The following IL17RD variants were observed in gnomAD, a reference collection of about 807,000 sequenced individuals.
IL17RD encodes the protein interleukin 17 receptor D.
A neutral mutation model predicts 80.5 loss-of-function variants in IL17RD; 52 were observed. That is an observed-to-expected ratio of 0.65 (90% CI 0.52 to 0.81). IL17RD has a LOEUF of 0.81. Among genes scored for constraint, IL17RD ranks in the 40% least tolerant of loss-of-function variants. IL17RD has a pLI of 0.00. For missense variants in IL17RD, 1,024 were observed against 955.1 expected, an observed-to-expected ratio of 1.07 and a Z score of -0.95; for synonymous variants, 416 against 391.8, an observed-to-expected ratio of 1.06 and a Z score of -0.73.
At chr3:57,102,339 T>A in intron 10 of IL17RD, 140 bp downstream of exon 10, 1 of 426,224 alleles carries the variant, frequency 2.3e-6, no homozygotes, top group Non-Finnish European at 4.2e-6. Context: ...ATATTTTAAT[T>A]CTGGGAACTG....
intron 11 of IL17RD, among the ~76,000 whole-genome samples, chr3:57,098,883 G>A (rs1418736414): frequency 1.3e-5 from 2 of 152,226 alleles, no homozygotes; most frequent in African/African-American, 2.4e-5. Context: ...GGAAGCAACA[G>A]GTGGTAGAGA....
chr3:57,148,810 T>G (rs1579313929), intron 1 of IL17RD, among the ~76,000 whole-genome samples: 1 of 152,192 alleles, frequency 6.6e-6, no homozygotes, highest in African/African-American at 2.4e-5. Flanking sequence ...GGGAGGCAGG[T>G]GGGCCCAGTG....
chr3:57,148,818 G>A (rs1037306363), intron 1 of IL17RD, among the ~76,000 whole-genome samples: 2 of 152,172 alleles, frequency 1.3e-5, no homozygotes, highest in African/African-American at 4.8e-5. Context: ...GGTGGGCCCA[G>A]TGAAGCCCAG....
chr3:57,142,071 C>T (rs1412664275), intron 1 of IL17RD, among the ~76,000 whole-genome samples: 1 of 152,212 alleles, frequency 6.6e-6, no homozygotes, highest in African/African-American at 2.4e-5. Context: ...CTAACTCTCC[C>T]TTTCCCACTG....
intron 2 of IL17RD, among the ~76,000 whole-genome samples, chr3:57,119,466 T>G (rs1232152373): frequency 6.6e-6 from 1 of 151,584 alleles, no homozygotes; most frequent in Non-Finnish European, 1.5e-5. Context: ...GAGGTGGAGG[T>G]TGCAGTGAGC....
chr3:57,146,001 T>C (rs1156908176), intron 1 of IL17RD, among the ~76,000 whole-genome samples: 1 of 151,536 alleles, frequency 6.6e-6, no homozygotes, highest in African/African-American at 2.4e-5. Flanking sequence ...CCAAAGACTT[T>C]GGGGAAAGCG....
In IL17RD at chr3:57,131,041, G is replaced by A. The variant is rs1422236138; in HGVS notation, c.127-10728C>T. On this transcript the variant is annotated intron_variant, in intron 1 of 12. Transcript: ENST00000296318. ...CTTCCTGTGCACAACGGGGCCTCCC[G>A]GGGGGCAATCACCGGCTGACCGGGG... Among the ~76,000 whole-genome samples the A allele has an allele frequency of 3.9e-5, 6 of 152,134 alleles. No homozygotes were observed. In the South Asian group the frequency reaches 6.2e-4, roughly 16 times the overall value.
At chr3:57,135,961 A>C (rs1413413452) in intron 1 of IL17RD, among the ~76,000 whole-genome samples, 1 of 152,190 alleles carries the variant, frequency 6.6e-6, no homozygotes, top group African/African-American at 2.4e-5. Context: ...GGGTATCCTA[A>C]ACGCTGTTCT....
intron 1 of IL17RD, among the ~76,000 whole-genome samples, chr3:57,144,260 G>A (rs895443924): frequency 3.1e-5 from 4 of 128,226 alleles, no homozygotes; most frequent in East Asian, 1.9e-4. Context: ...TCTAGGGCCT[G>A]TTATCACACA....
At chr3:57,140,593 T>G (rs1326947109) in intron 1 of IL17RD, among the ~76,000 whole-genome samples, 1 of 152,222 alleles carries the variant, frequency 6.6e-6, no homozygotes, top group African/African-American at 2.4e-5. Context: ...TTGCTGCCAT[T>G]TGACAGATGT....
At chr3:57,097,471 C>A (rs2107460983) in intron 12 of IL17RD, 125 bp downstream of exon 12, 1 of 713,654 alleles carries the variant, frequency 1.4e-6, no homozygotes, top group Non-Finnish European at 2.5e-6. Flanking sequence ...ACCAAACGAG[C>A]TGTGTTCTCA....
At chr3:57,119,588 C>T (rs1047342605) in intron 2 of IL17RD, among the ~76,000 whole-genome samples, 6 of 152,074 alleles carry the variant, frequency 3.9e-5, no homozygotes, top group African/African-American at 1.2e-4. Context: ...GCGGTTGGTG[C>T]CCAGGCCTGG....
chr3:57,109,526 G>A lies in IL17RD; in HGVS notation c.550+11C>T, dbSNP rs765473409. 1 of 1,612,032 alleles carries A rather than the reference G, an allele frequency of 6.2e-7. No homozygotes were observed. The highest frequency in any genetic ancestry group is 8.5e-7 in the Non-Finnish European group (1 of 1,179,246). On this transcript the variant is annotated intron_variant, in intron 5 of 12. Transcript: ENST00000296318. ...TTCTCATGGGAACCAGGCAGGAAAG[G>A]CCATACTCACCTCGGGTTCTAAAGA...
At chr3:57,150,000 C>T (rs1708021906) in intron 1 of IL17RD, among the ~76,000 whole-genome samples, 1 of 152,152 alleles carries the variant, frequency 6.6e-6, no homozygotes, top group Non-Finnish European at 1.5e-5. Flanking sequence ...ACAGAACAGT[C>T]CCATCAACCC....
intron 3 of IL17RD, among the ~76,000 whole-genome samples, chr3:57,114,117 G>A (rs1460573614): frequency 1.3e-5 from 2 of 151,498 alleles, no homozygotes; most frequent in Admixed American, 6.6e-5. Flanking sequence ...CTGGAAGGCG[G>A]AAGTTGCAGT....
At chr3:57,136,777 G>A (rs535147495) in intron 1 of IL17RD, among the ~76,000 whole-genome samples, 1 of 152,114 alleles carries the variant, frequency 6.6e-6, no homozygotes, top group East Asian at 1.9e-4. Context: ...TGTCTCAAGA[G>A]CTTGAAATAT....
chr3:57,118,144 C>T (rs1235906801), intron 2 of IL17RD, among the ~76,000 whole-genome samples: 1 of 152,190 alleles, frequency 6.6e-6, no homozygotes, highest in Non-Finnish European at 1.5e-5. Context: ...ATTAGAAATT[C>T]ACTTTGTAAC....
intron 7 of IL17RD, among the ~76,000 whole-genome samples, chr3:57,105,552 A>AAAAAAAAAAAAAAAAAAAATAT: frequency 1.3e-4 from 8 of 63,588 alleles, no homozygotes; most frequent in Non-Finnish European, 1.9e-4. Context: ...AAAAAAAAAA[A>AAAAAAAAAAAAAAAAAAAATAT]ATATATATAT....
chr3:57,124,001 C>T (rs961304718), intron 1 of IL17RD, among the ~76,000 whole-genome samples: 8 of 152,148 alleles, frequency 5.3e-5, no homozygotes, highest in African/African-American at 1.4e-4. Context: ...GCCGAGATCG[C>T]GCCATCGTAC....
Sources: allele counts gnomAD v4.1 joint callset (sites outside exome capture counted in the v4.1 genomes callset), GRCh38; gene constraint gnomAD v4.1.1; transcripts MANE v1.5; gene names NCBI Gene and HGNC (gene_info 2026-07-23, HGNC 2026-07-21).